SV2B: variants seen among roughly 807,000 people sequenced by gnomAD.
SV2B encodes the protein synaptic vesicle glycoprotein 2B, also known as solute carrier family 22 member B2.
In SV2B, 41 loss-of-function variants were observed where a neutral mutation model predicts 73.9. That is an observed-to-expected ratio of 0.56 (90% CI 0.43 to 0.72). The LOEUF (loss-of-function observed/expected upper bound fraction) is 0.72, where lower values mean the gene tolerates loss of function less well. Ranked by LOEUF, SV2B falls within the 30% of genes least tolerant of loss-of-function variation. The pLI, the probability that SV2B is intolerant of heterozygous loss-of-function variation, is 0.00. For missense variants in SV2B, 764 were observed against 857.8 expected (o/e 0.89, Z 1.37); for synonymous variants, 314 against 314.2 (o/e 1.00, Z 0.01).
At position 91,242,130 on chromosome 15, in the gene SV2B, T is replaced by C. The variant is rs2047042707; in HGVS notation, c.452-9689T>C. Among the ~76,000 whole-genome samples the C allele has an allele frequency of 6.6e-6, 1 of 152,212 alleles. No homozygotes were observed. On this transcript the variant is annotated intron_variant, in intron 2 of 12. Transcript: ENST00000394232. The surrounding 1 kb of genome is among the most constrained non-coding windows in gnomAD (Gnocchi z 4.9). Reference sequence around the variant, plus strand: ...CGGTTAGCCACTCTCTCCTCCTTGATGCGCTTTCTTTATTGGACATCTAAG... The same window carrying C: ...CGGTTAGCCACTCTCTCCTCCTTGACGCGCTTTCTTTATTGGACATCTAAG...
chr15:91,226,109 G>A lies in SV2B; in HGVS notation c.-155G>A. The A allele has an allele frequency of 1.4e-6, 1 of 702,130 alleles. No homozygotes were observed. The highest frequency in any genetic ancestry group is 2.3e-6 in the Non-Finnish European group (1 of 429,716). The allele number at this position is 702,130 out of a possible 1,614,324, so 43.5% of individuals were successfully genotyped here. A position where few individuals can be genotyped will look rare whatever the true frequency, so the allele number is the denominator to read the frequency against. On this transcript the variant is annotated 5_prime_UTR_variant, in exon 2 of 13. Transcript: ENST00000394232. Reference sequence around the variant, plus strand: ...TCTGGTTGATTTGAGAGATAAAGGGGGGGGGAACCAGTGTGACTTTCACCT... The same window carrying A: ...TCTGGTTGATTTGAGAGATAAAGGGAGGGGGAACCAGTGTGACTTTCACCT...
chr15:91,177,075 G>A (rs1028895626), intron 1 of SV2B, among the ~76,000 whole-genome samples: 17 of 149,640 alleles, frequency 1.1e-4, no homozygotes, highest in Non-Finnish European at 2.2e-4. Flanking sequence ...TGTATAAGGT[G>A]TAAGGAAGGG....
At position 91,301,638 on chromosome 15, in the gene SV2B, T is replaced by C. The variant is rs1435800286; in HGVS notation, c.*9086T>C. ...TTCTTCCCTTTAGAAGTGGGGAAAC[T>C]GGAACACAGGAAAGTCACTTGTCAA... On this transcript the variant is annotated 3_prime_UTR_variant, in exon 13 of 13. Transcript: ENST00000394232. This position sits in a 1 kb window ranked among gnomAD's most constrained non-coding sequence, Gnocchi z 4.3. Among the ~76,000 whole-genome samples, 1 of 152,218 alleles carries C rather than the reference T, an allele frequency of 6.6e-6. No individual in the cohort carries two copies. Among genetic ancestry groups the C allele is most frequent in the Non-Finnish European group, 1.5e-5 (1 of 68,040 alleles).
chr15:91,300,554 T>C lies in SV2B; in HGVS notation c.*8002T>C, dbSNP rs1051412257. ...AGAGCAATTCTGAAGGATTAACAGG[T>C]TTCATTCTCTCCAGTGGGAGGTGGC... On this transcript the variant is annotated 3_prime_UTR_variant, in exon 13 of 13. Coordinates refer to ENST00000394232, the MANE Select transcript of SV2B (RefSeq NM_001323032.3). The C allele has an allele frequency of 6.6e-6, 1 of 152,180 alleles. No homozygotes were observed. Among genetic ancestry groups the C allele is most frequent in the Admixed American group, 6.5e-5 (1 of 15,284 alleles). The allele number at this position is 152,180 out of a possible 1,614,324, so 9.4% of individuals were successfully genotyped here.
intron 1 of SV2B, among the ~76,000 whole-genome samples, chr15:91,119,982 T>C (rs748529927): frequency 3.3e-5 from 5 of 152,268 alleles, no homozygotes; most frequent in Non-Finnish European, 5.9e-5. Context: ...ATTCTCCTTG[T>C]TACTCTCATA....
At chr15:91,152,472 AT>A (rs140780325) in intron 1 of SV2B, among the ~76,000 whole-genome samples, 2,713 of 152,230 alleles carry the variant, frequency 0.018, 96 homozygotes, top group African/African-American at 0.062. Context: ...GGGAACATGT[AT>A]TATTATTTAC....
chr15:91,289,536 T>C lies in SV2B; in HGVS notation c.1724T>C (p.Ile575Thr). The change falls in exon 12 of 13, where the codon ATC (isoleucine) becomes ACC (threonine). Residue 575 changes from isoleucine to threonine, a missense_variant. By Grantham distance (89) the Ile-to-Thr change is moderately conservative. Coordinates refer to ENST00000394232, the MANE Select transcript of SV2B (RefSeq NM_001323032.3). This position sits in a 1 kb window ranked among gnomAD's most constrained non-coding sequence, Gnocchi z 4.9. ...CCCTCTGCAGGTGGCTCCATGCTAA[T>C]CTCTGCAGTCTGCTGCTTCTTCCTG... Reference protein sequence around the residue: ...RLKMIGGSMLISAVCCFFLFF... With the variant: ...RLKMIGGSMLTSAVCCFFLFF... 1 of 1,614,250 alleles carries C rather than the reference T, an allele frequency of 6.2e-7. No homozygotes were observed. The highest frequency in any genetic ancestry group is 1.3e-5 in the African/African-American group (1 of 75,062).
intron 11 of SV2B, among the ~76,000 whole-genome samples, chr15:91,286,942 G>A (rs1406295126): frequency 6.6e-6 from 1 of 152,176 alleles, no homozygotes; most frequent in Admixed American, 6.5e-5. Context: ...TAGCTGATGT[G>A]TCAGATCATC....
chr15:91,202,333 A>G (rs763283706), intron 1 of SV2B, among the ~76,000 whole-genome samples: 1 of 152,234 alleles, frequency 6.6e-6, no homozygotes, highest in South Asian at 2.1e-4. Context: ...AGTGCTTAGC[A>G]CATAGTAGGT....
intron 1 of SV2B, among the ~76,000 whole-genome samples, chr15:91,186,939 C>T (rs1254923679): frequency 6.6e-6 from 1 of 152,178 alleles, no homozygotes; most frequent in South Asian, 2.1e-4. Flanking sequence ...AAGCATGTAT[C>T]ATGCAAATAC....
In SV2B at chr15:91,132,522, C is replaced by G. The variant is rs188625685; in HGVS notation, c.-392+32159C>G. Among the ~76,000 whole-genome samples the G allele has an allele frequency of 1.4e-4, 21 of 152,312 alleles. No homozygotes were observed. Among genetic ancestry groups the G allele is most frequent in the Non-Finnish European group, 2.8e-4 (19 of 68,032 alleles). On this transcript the variant is annotated intron_variant, in intron 1 of 12. Transcript: ENST00000394232. The surrounding 1 kb of genome is among the most constrained non-coding windows in gnomAD (Gnocchi z 4.6). ...AACGAAGACGGGACCCTCATTCAGT[C>G]TGATTTATTGCAGACAGCCAATTTT...
chr15:91,102,863 C>T (rs1377176118), intron 1 of SV2B, among the ~76,000 whole-genome samples: 1 of 152,018 alleles, frequency 6.6e-6, no homozygotes, highest in Non-Finnish European at 1.5e-5. Flanking sequence ...TGACATTTTA[C>T]CAGACATCTG....
chr15:91,258,589 C>G lies in SV2B; in HGVS notation c.918+35C>G, dbSNP rs775900280. The stretch of plus-strand genomic sequence containing the variant: ...TGCTTTTCCACCAGGGGGAGAGTGA[C>G]AAAACAGCCACAGGAACCCAGCCTC... On this transcript the variant is annotated intron_variant, in intron 5 of 12. Transcript: ENST00000394232. This position sits in a 1 kb window ranked among gnomAD's most constrained non-coding sequence, Gnocchi z 4.7. The G allele has an allele frequency of 6.2e-7, 1 of 1,611,330 alleles. No individual in the cohort carries two copies.
chr15:91,222,209 GC>G (rs1345353551), intron 1 of SV2B, among the ~76,000 whole-genome samples: 1 of 152,056 alleles, frequency 6.6e-6, no homozygotes, highest in Non-Finnish European at 1.5e-5. Context: ...AATATTTGTG[GC>G]CCTGTGTCGT....
intron 4 of SV2B, among the ~76,000 whole-genome samples, chr15:91,255,912 A>C (rs891861146): frequency 6.6e-6 from 1 of 152,212 alleles, no homozygotes; most frequent in Non-Finnish European, 1.5e-5. Context: ...TCTTCTAACA[A>C]ATGCAAGTGT....
intron 1 of SV2B, among the ~76,000 whole-genome samples, chr15:91,119,548 T>C (rs1272611424): frequency 1.3e-5 from 2 of 152,256 alleles, no homozygotes; most frequent in Non-Finnish European, 2.9e-5. Context: ...TCCAGCCAGG[T>C]GGCTGGTTTC....
Position 91,288,820 on chromosome 15 carries a change from G to A in SV2B, c.1709-701G>A, listed in dbSNP as rs2048948747. 6.6e-6 allele frequency among the ~76,000 whole-genome samples: 1 copy of A among 152,004 alleles called. No homozygotes were observed. Among genetic ancestry groups the A allele is most frequent in the Non-Finnish European group, 1.5e-5 (1 of 68,014 alleles). On this transcript the variant is annotated intron_variant, in intron 11 of 12. Coordinates refer to ENST00000394232, the MANE Select transcript of SV2B (RefSeq NM_001323032.3). This position sits in a 1 kb window ranked among gnomAD's most constrained non-coding sequence, Gnocchi z 5.8. ...AGCCTCCCAAGTAGCTGGGATTACA[G>A]GTGTGCACCACCGGGTCTGGCTACT...
Position 91,295,186 on chromosome 15 carries a change from C to T in SV2B, c.*2634C>T, listed in dbSNP as rs1239566429. ...TCTTGATGATGTATTTTATGATGCC[C>T]AGCTTGGAAATAGTTGCTTTCCATA... On this transcript the variant is annotated 3_prime_UTR_variant, in exon 13 of 13. Transcript: ENST00000394232. 1 of 152,414 alleles carries T rather than the reference C, an allele frequency of 6.6e-6. No individual in the cohort carries two copies. Among genetic ancestry groups the T allele is most frequent in the African/African-American group, 2.4e-5 (1 of 41,428 alleles). The allele number at this position is 152,414 out of a possible 1,614,324, so 9.4% of individuals were successfully genotyped here. A position where few individuals can be genotyped will look rare whatever the true frequency, so the allele number is the denominator to read the frequency against.
intron 1 of SV2B, among the ~76,000 whole-genome samples, chr15:91,158,717 TCCTC>T (rs1567300799): frequency 8.2e-5 from 7 of 85,448 alleles, no homozygotes; most frequent in African/African-American, 2.6e-4. Context: ...TCCTCTCCTC[TCCTC>T]TCCTCTCTTC....
Sources: allele counts gnomAD v4.1 joint callset (sites outside exome capture counted in the v4.1 genomes callset), GRCh38; gene constraint gnomAD v4.1.1; non-coding constraint Gnocchi (gnomAD v3.1); transcripts MANE v1.5; gene names NCBI Gene and HGNC (gene_info 2026-07-23, HGNC 2026-07-21).